Variants in CALN1 observed in about 807,000 individuals in gnomAD.
CALN1 encodes calcium-binding protein 8.
CALN1 carries 17 observed loss-of-function variants against 30.6 expected under a neutral mutation model. That is an observed-to-expected ratio of 0.56 (90% CI 0.38 to 0.83). The LOEUF (loss-of-function observed/expected upper bound fraction) is 0.83, where lower values mean the gene tolerates loss of function less well. Among genes scored for constraint, CALN1 ranks in the 40% least tolerant of loss-of-function variants. The pLI is 0.00. For synonymous variants in CALN1, 156 were observed against 131.4 expected (o/e 1.19, Z -1.28); for missense variants, 291 against 354.9 (o/e 0.82, Z 1.45).
intron 5 of CALN1, among the ~76,000 whole-genome samples, chr7:72,015,432 TC>T (rs375533677): frequency 0.03 from 4,149 of 136,990 alleles, 205 homozygotes; most frequent in African/African-American, 0.14. Flanking sequence ...TTTCTTTCTT[TC>T]TTTTTTTTTT....
chr7:72,434,055 G>A (rs1808062085), intron 1 of CALN1, among the ~76,000 whole-genome samples: 1 of 150,024 alleles, frequency 6.7e-6, no homozygotes, highest in Non-Finnish European at 1.5e-5. Flanking sequence ...GTGAGACCCT[G>A]TTCCTGAAAG....
chr7:72,085,607 C>G (rs1805435415), intron 4 of CALN1, among the ~76,000 whole-genome samples: 1 of 152,140 alleles, frequency 6.6e-6, no homozygotes, highest in South Asian at 2.1e-4. Context: ...TATATTAAGA[C>G]ATGAAATGTA....
chr7:72,388,734 T>TGCTTGCTGATCCCAA (rs1295862970), intron 2 of CALN1, among the ~76,000 whole-genome samples: 1 of 152,222 alleles, frequency 6.6e-6, no homozygotes, highest in African/African-American at 2.4e-5. Flanking sequence ...TTAAGCATCC[T>TGCTTGCTGATCCCAA]GCTTGCTGAT....
intron 5 of CALN1, among the ~76,000 whole-genome samples, chr7:71,925,685 A>G (rs1458880728): frequency 6.6e-6 from 1 of 152,080 alleles, no homozygotes; most frequent in Non-Finnish European, 1.5e-5. Flanking sequence ...CTCTGAATGC[A>G]TCTTCCAATA....
intron 5 of CALN1, among the ~76,000 whole-genome samples, chr7:71,968,081 C>T (rs1240630874): frequency 2.0e-5 from 3 of 152,104 alleles, no homozygotes; most frequent in African/African-American, 4.8e-5. Flanking sequence ...AATGCCTGTA[C>T]ATGAATATTT....
chr7:72,223,988 G>T (rs537762740), intron 3 of CALN1, among the ~76,000 whole-genome samples: 1 of 152,218 alleles, frequency 6.6e-6, no homozygotes, highest in Admixed American at 6.5e-5. Flanking sequence ...ACAGACAGTG[G>T]GGACTACTAG....
intron 5 of CALN1, among the ~76,000 whole-genome samples, chr7:72,013,745 T>C (rs1392332635): frequency 1.3e-5 from 2 of 152,122 alleles, no homozygotes; most frequent in African/African-American, 2.4e-5. Flanking sequence ...AGATGTAGGA[T>C]GGTAATGTAA....
At chr7:72,358,760 C>A (rs564265279) in intron 2 of CALN1, among the ~76,000 whole-genome samples, 2 of 152,024 alleles carry the variant, frequency 1.3e-5, no homozygotes, top group South Asian at 2.1e-4. Flanking sequence ...ACAAGCGTGG[C>A]CAACATGGTG....
At chr7:72,105,927 G>A (rs1807073969) in intron 4 of CALN1, among the ~76,000 whole-genome samples, 1 of 151,896 alleles carries the variant, frequency 6.6e-6, no homozygotes, top group Non-Finnish European at 1.5e-5. Flanking sequence ...CCACCAGCCA[G>A]GCCTCTTTCC....
chr7:72,252,604 G>T (rs1305428875), intron 3 of CALN1, among the ~76,000 whole-genome samples: 1 of 98,014 alleles, frequency 1.0e-5, no homozygotes, highest in Non-Finnish European at 2.0e-5. Flanking sequence ...GCAAGACCCT[G>T]TCTCAAAAAA....
intron 3 of CALN1, among the ~76,000 whole-genome samples, chr7:72,162,587 A>T (rs1395558661): frequency 6.6e-6 from 1 of 152,046 alleles, no homozygotes; most frequent in Non-Finnish European, 1.5e-5. Flanking sequence ...TACAAAAAAA[A>T]AATTAGCCAG....
chr7:71,788,959 A>G (rs935196306), intron 6 of CALN1, among the ~76,000 whole-genome samples: 4 of 151,082 alleles, frequency 2.6e-5, no homozygotes, highest in Admixed American at 1.3e-4. Flanking sequence ...CGCCTGGCCG[A>G]CTAATTTTTT....
At chr7:71,809,746 G>T (rs992334026) in intron 6 of CALN1, among the ~76,000 whole-genome samples, 4 of 151,576 alleles carry the variant, frequency 2.6e-5, no homozygotes, top group Non-Finnish European at 5.9e-5. Flanking sequence ...ACCTTTCATG[G>T]GTCTCTTTTT....
chr7:72,031,476 A>C (rs1801431238), intron 4 of CALN1, among the ~76,000 whole-genome samples: 1 of 152,160 alleles, frequency 6.6e-6, no homozygotes, highest in Non-Finnish European at 1.5e-5. Context: ...CTTATCAATG[A>C]GATAACTTAG....
the CALN1 span, among the ~76,000 whole-genome samples, chr7:72,479,502 A>C: frequency 6.6e-6 from 1 of 151,774 alleles, no homozygotes; most frequent in South Asian, 2.1e-4. Context: ...TTCTTCTAGA[A>C]ATGTTATAGT....
chr7:72,284,516 TG>T (rs35524551), intron 2 of CALN1, among the ~76,000 whole-genome samples: 70,452 of 151,950 alleles, frequency 0.46, 17,310 homozygotes, highest in South Asian at 0.68. Flanking sequence ...CTCCCCAGTG[TG>T]GGTGGGTCTC....
At chr7:72,207,629 AT>A (rs34298549) in intron 3 of CALN1, among the ~76,000 whole-genome samples, 37,328 of 151,892 alleles carry the variant, frequency 0.25, 5,804 homozygotes, top group East Asian at 0.67. Context: ...TTACTTTCTT[AT>A]ATGTCTCCCC....
At chr7:72,212,606 G>A (rs1257109708) in intron 3 of CALN1, among the ~76,000 whole-genome samples, 1 of 152,020 alleles carries the variant, frequency 6.6e-6, no homozygotes, top group Non-Finnish European at 1.5e-5. Context: ...CTTGAGGCCA[G>A]GAACTCAAGA....
intron 3 of CALN1, among the ~76,000 whole-genome samples, chr7:72,213,089 C>T (rs888192998): frequency 6.6e-6 from 1 of 152,238 alleles, no homozygotes; most frequent in Admixed American, 6.5e-5. Context: ...ATGAAAATCA[C>T]TCTGAAGACG....
Sources: allele counts gnomAD v4.1 joint callset (sites outside exome capture counted in the v4.1 genomes callset), GRCh38; gene constraint gnomAD v4.1.1; transcripts MANE v1.5; gene names NCBI Gene and HGNC (gene_info 2026-07-23, HGNC 2026-07-21).